TAFA1: variants seen among roughly 807,000 people sequenced by gnomAD.
The protein encoded by TAFA1 is TAFA chemokine like family member 1, also known as chemokine-like protein TAFA-1.
In TAFA1, 4 loss-of-function variants were observed where a neutral mutation model predicts 18.5. The ratio of observed to expected loss-of-function variants is 0.22; its 90% CI spans 0.11 to 0.49. The LOEUF is 0.49. Ranked by LOEUF, TAFA1 falls within the 20% of genes least tolerant of loss-of-function variation. The pLI, the probability that TAFA1 is intolerant of heterozygous loss-of-function variation, is 0.98. For synonymous variants in TAFA1, 56 were observed against 55.2 expected, an observed-to-expected ratio of 1.01 and a Z score of -0.06; for missense variants, 147 against 169.0, an observed-to-expected ratio of 0.87 and a Z score of 0.72.
rs545440997 is a variant in TAFA1 at position 68,304,698 on chromosome 3, T to G, written c.119-112582T>G. ...ATTACTTAGAGAAGCTAAAGAGTGA[T>G]TTGGCAAGGTCAGAGTTTTAAAATG... On this transcript the variant is annotated intron_variant, in intron 2 of 4. Coordinates refer to ENST00000478136, the MANE Select transcript of TAFA1 (RefSeq NM_213609.4). Among the ~76,000 whole-genome samples the G allele has an allele frequency of 2.6e-5, 4 of 152,322 alleles. No homozygotes were observed. In the South Asian group the frequency reaches 8.3e-4, roughly 32 times the overall value.
intron 2 of TAFA1, among the ~76,000 whole-genome samples, chr3:68,252,767 G>A (rs1360080310): frequency 6.6e-6 from 1 of 152,112 alleles, no homozygotes; most frequent in Non-Finnish European, 1.5e-5. Flanking sequence ...TAGGTGATAT[G>A]GTTTGGCAGT....
intron 2 of TAFA1, among the ~76,000 whole-genome samples, chr3:68,394,720 T>C (rs948156870): frequency 4.6e-5 from 7 of 152,106 alleles, no homozygotes; most frequent in African/African-American, 1.2e-4. Context: ...ATTTAATAAA[T>C]GGTGTTGGGA....
intron 3 of TAFA1, among the ~76,000 whole-genome samples, chr3:68,431,733 A>G (rs2071176540): frequency 6.6e-6 from 1 of 152,062 alleles, no homozygotes; most frequent in African/African-American, 2.4e-5. Context: ...GCCACTGATT[A>G]GTCACGTTGT....
chr3:68,227,640 A>G (rs2066818682), intron 2 of TAFA1, among the ~76,000 whole-genome samples: 1 of 152,232 alleles, frequency 6.6e-6, no homozygotes, highest in South Asian at 2.1e-4. Context: ...AAGACTGAAT[A>G]GAAGATGGAA....
chr3:68,125,847 G>C (rs1191855227), intron 2 of TAFA1, among the ~76,000 whole-genome samples: 1 of 152,106 alleles, frequency 6.6e-6, no homozygotes, highest in African/African-American at 2.4e-5. Flanking sequence ...TGCTTAGCCT[G>C]TGTGTAAGGG....
At chr3:68,009,454 C>A (rs1175518003) in intron 2 of TAFA1, among the ~76,000 whole-genome samples, 2 of 152,066 alleles carry the variant, frequency 1.3e-5, no homozygotes, top group Non-Finnish European at 2.9e-5. Flanking sequence ...TATTATCAAC[C>A]AATGCGTGGT....
intron 2 of TAFA1, among the ~76,000 whole-genome samples, chr3:68,251,645 A>AG: frequency 6.6e-6 from 1 of 152,178 alleles, no homozygotes. Flanking sequence ...TTGTGAGCTC[A>AG]GGGGGAAAGT....
chr3:68,238,343 T>C (rs1198792165), intron 2 of TAFA1, among the ~76,000 whole-genome samples: 1 of 152,188 alleles, frequency 6.6e-6, no homozygotes, highest in African/African-American at 2.4e-5. Flanking sequence ...CTTCTTAATT[T>C]TACCAGTTAA....
chr3:68,340,611 A>AT (rs58453444), intron 2 of TAFA1, among the ~76,000 whole-genome samples: 8,319 of 150,598 alleles, frequency 0.055, 798 homozygotes, highest in African/African-American at 0.19. Flanking sequence ...TTCCTCTCCC[A>AT]TTTTTTTTTC....
At chr3:68,294,622 C>T (rs189506332) in intron 2 of TAFA1, among the ~76,000 whole-genome samples, 2 of 152,244 alleles carry the variant, frequency 1.3e-5, no homozygotes, top group East Asian at 3.9e-4. Context: ...TGGTGGCTCA[C>T]ATCTATAATC....
In TAFA1 at chr3:68,544,496, G is replaced by A; in HGVS notation, c.395G>A (p.Arg132Lys). The change falls in exon 5 of 5, where the codon AGA becomes AAA. Residue 132 changes from arginine to lysine, a missense_variant. Arg to Lys is a conservative substitution (Grantham distance 26, BLOSUM62 2). Transcript: ENST00000478136. ...NKIKTTRIHP[R>K]T Reference sequence around the variant, plus strand: ...TTTCTTTGGTTTCAGATTCACCCAAGAACCTAACAGAAGCATTTGTGGTAG... The same window carrying A: ...TTTCTTTGGTTTCAGATTCACCCAAAAACCTAACAGAAGCATTTGTGGTAG... 6.2e-7 allele frequency: 1 copy of A among 1,612,300 alleles called. No homozygotes were observed. The highest frequency in any genetic ancestry group is 8.5e-7 in the Non-Finnish European group (1 of 1,178,892).
At chr3:68,174,246 G>A (rs2066095970) in intron 2 of TAFA1, among the ~76,000 whole-genome samples, 1 of 152,200 alleles carries the variant, frequency 6.6e-6, no homozygotes, top group East Asian at 1.9e-4. Context: ...CGCAATAGAG[G>A]AAATAAGTAA....
chr3:68,221,556 C>T (rs1239474548), intron 2 of TAFA1, among the ~76,000 whole-genome samples: 1 of 152,108 alleles, frequency 6.6e-6, no homozygotes, highest in Non-Finnish European at 1.5e-5. Context: ...TGTTTCTGTT[C>T]CTAAATTCCT....
intron 2 of TAFA1, among the ~76,000 whole-genome samples, chr3:68,150,204 A>G (rs1165701363): frequency 6.6e-6 from 1 of 152,208 alleles, no homozygotes; most frequent in East Asian, 1.9e-4. Context: ...ATTCATTAAC[A>G]CACACCTGCA....
chr3:68,080,499 G>A (rs1387744758), intron 2 of TAFA1, among the ~76,000 whole-genome samples: 1 of 151,756 alleles, frequency 6.6e-6, no homozygotes, highest in Non-Finnish European at 1.5e-5. Context: ...GCTCTTTTAG[G>A]GCAGGCCTGG....
At chr3:68,417,504 C>G in intron 3 of TAFA1, 84 bp downstream of exon 3, 1 of 1,304,958 alleles carries the variant, frequency 7.7e-7, no homozygotes, top group South Asian at 1.5e-5. Flanking sequence ...TAATATGGTT[C>G]CAGATAATGA....
rs772595258 is a variant in TAFA1, at chr3:68,538,708, G to C, written c.260-48G>C. 3.1e-6 allele frequency: 5 copies of C among 1,603,752 alleles called. No individual in the cohort carries two copies. The Admixed American group carries it at 8.4e-5, about 27-fold the overall frequency. On this transcript the variant is annotated intron_variant, in intron 3 of 4. Coordinates refer to ENST00000478136, the MANE Select transcript of TAFA1 (RefSeq NM_213609.4). ...CAGAGGGACACAACGTCAGTGTTCA[G>C]GTTGTTTGGATGAATTGCAAACACA...
chr3:68,065,759 TATATATAC>T lies in TAFA1; in HGVS notation c.118+59017_118+59024del, dbSNP rs1192625960. Among the ~76,000 whole-genome samples, 1,251 of 145,666 alleles carry T rather than the reference TATATATAC, an allele frequency of 8.6e-3. 3 individuals carry two copies. The highest frequency in any genetic ancestry group is 0.012 in the Non-Finnish European group (827 of 67,056). ...GTGTGTGTATATATATATATATATA[TATATATAC>T]ACACACATTACCTATGCCTCTGTCT... On this transcript the variant is annotated intron_variant, in intron 2 of 4. Coordinates refer to ENST00000478136, the MANE Select transcript of TAFA1 (RefSeq NM_213609.4).
chr3:68,139,110 C>T (rs1205337671), intron 2 of TAFA1, among the ~76,000 whole-genome samples: 1 of 152,180 alleles, frequency 6.6e-6, no homozygotes, highest in Non-Finnish European at 1.5e-5. Flanking sequence ...CACCAACATA[C>T]TCTAATTAAG....
Sources: gnomAD v4.1 joint callset for allele counts (sites outside exome capture counted in the v4.1 genomes callset) on GRCh38, gnomAD v4.1.1 for gene constraint, MANE v1.5 for transcripts, NCBI Gene and HGNC (gene_info 2026-07-23, HGNC 2026-07-21) for gene names.